Variants in AK8 observed in about 807,000 individuals in gnomAD.
AK8 encodes the protein adenylate kinase 8.
AK8 carries 44 observed loss-of-function variants against 54.6 expected under a neutral mutation model. The observed-to-expected ratio is 0.81, with a 90% CI of 0.63 to 1.04. The LOEUF is 1.04. Ranked by LOEUF, AK8 falls within the 50% of genes least tolerant of loss-of-function variation. AK8 has a pLI of 0.00. For missense variants in AK8, 555 were observed against 613.6 expected (o/e 0.90, Z 1.01); for synonymous variants, 239 against 245.6 (o/e 0.97, Z 0.25).
At chr9:132,827,534 C>G (rs576253402) in intron 7 of AK8, 13 of 211,920 alleles carry the variant, frequency 6.1e-5, no homozygotes, top group African/African-American at 2.1e-4. Context: ...CCGTCTCCCC[C>G]CACCCTCCCG....
chr9:132,794,373 C>G (rs1840065409), intron 10 of AK8, among the ~76,000 whole-genome samples: 1 of 152,162 alleles, frequency 6.6e-6, no homozygotes, highest in Non-Finnish European at 1.5e-5. Context: ...CAGCTTGCAC[C>G]TCCCTTCGAA....
rs1554801294 is a variant in AK8 at position 132,839,830 on chromosome 9, G to GC, written c.403-11105_403-11104insG. Among the ~76,000 whole-genome samples, 114 of 141,532 alleles carry GC rather than the reference G, an allele frequency of 8.1e-4. 5 individuals are homozygous for GC. Among genetic ancestry groups the GC allele is most frequent in the African/African-American group, 1.8e-3 (65 of 36,530 alleles). 92.9% of individuals were successfully genotyped at this position (141,532 alleles called of 152,430 possible). ...AAACATTTTTTTTGCCGGGGGGGGG[G>GC]GCGCAGGGACGGAGCCTTGCTCTGT... On this transcript the variant is annotated intron_variant, in intron 5 of 12. Transcript: ENST00000298545.
chr9:132,818,147 T>C (rs1027179740), intron 9 of AK8, among the ~76,000 whole-genome samples: 1 of 152,208 alleles, frequency 6.6e-6, no homozygotes, highest in Admixed American at 6.5e-5. Context: ...GATGAAATCA[T>C]ATCATTTTCA....
At chr9:132,868,928 C>A (rs1843700658) in intron 2 of AK8, among the ~76,000 whole-genome samples, 1 of 152,194 alleles carries the variant, frequency 6.6e-6, no homozygotes. Flanking sequence ...CCTGTAATCC[C>A]AGCACTTTGG....
At chr9:132,839,823 G>GGT (rs1554801259) in intron 5 of AK8, among the ~76,000 whole-genome samples, 1 of 147,302 alleles carries the variant, frequency 6.8e-6, no homozygotes, top group East Asian at 2.0e-4. Context: ...TTTTTGCCGG[G>GGT]GGGGGGGGCG....
intron 10 of AK8, among the ~76,000 whole-genome samples, chr9:132,804,567 G>T (rs1032687383): frequency 1.3e-5 from 2 of 152,064 alleles, no homozygotes; most frequent in African/African-American, 2.4e-5. Flanking sequence ...TCCCAGGGAG[G>T]GGGGTGGGAG....
intron 11 of AK8, among the ~76,000 whole-genome samples, chr9:132,734,562 C>A (rs1312190826): frequency 6.6e-6 from 1 of 152,034 alleles, no homozygotes; most frequent in East Asian, 1.9e-4. Context: ...ACAGTGAGAC[C>A]CCATCTCTAC....
chr9:132,862,103 G>C (rs1843411090), intron 4 of AK8, among the ~76,000 whole-genome samples: 1 of 152,178 alleles, frequency 6.6e-6, no homozygotes, highest in Admixed American at 6.5e-5. Flanking sequence ...TGCAGAAAAT[G>C]AGATAACCAC....
At chr9:132,820,879 G>GCTAC (rs528194006) in intron 9 of AK8, among the ~76,000 whole-genome samples, 147 of 152,290 alleles carry the variant, frequency 9.7e-4, no homozygotes, top group African/African-American at 3.2e-3. Context: ...AGATCTCAAG[G>GCTAC]CTACCTGCCT....
intron 2 of AK8, among the ~76,000 whole-genome samples, 176 bp downstream of exon 2, chr9:132,874,939 T>G (rs1844022170): frequency 6.6e-6 from 1 of 152,110 alleles, no homozygotes; most frequent in Non-Finnish European, 1.5e-5. Flanking sequence ...ATGAAACCCC[T>G]CCCTTCTGAC....
At chr9:132,818,609 G>C (rs1841437758) in intron 9 of AK8, among the ~76,000 whole-genome samples, 1 of 152,016 alleles carries the variant, frequency 6.6e-6, no homozygotes, top group Non-Finnish European at 1.5e-5. Context: ...AAAGAAAATG[G>C]ATTACTAAAA....
chr9:132,782,763 T>A (rs1157536738), intron 11 of AK8, among the ~76,000 whole-genome samples: 2 of 152,106 alleles, frequency 1.3e-5, no homozygotes, highest in East Asian at 3.8e-4. Context: ...TTAACTATGT[T>A]AGGAAGAACA....
intron 11 of AK8, among the ~76,000 whole-genome samples, chr9:132,736,568 T>C (rs372874815): frequency 2.3e-4 from 34 of 149,726 alleles, no homozygotes; most frequent in African/African-American, 8.3e-4. Flanking sequence ...GAGGCCGAGG[T>C]GGGCGGATCA....
chr9:132,875,746 C>T (rs1042641308), intron 1 of AK8, among the ~76,000 whole-genome samples: 3 of 152,244 alleles, frequency 2.0e-5, no homozygotes, highest in South Asian at 2.1e-4. Flanking sequence ...ACCATCCCCC[C>T]GGCAGGCCAT....
intron 5 of AK8, among the ~76,000 whole-genome samples, chr9:132,832,913 C>T (rs546201968): frequency 9.2e-5 from 14 of 152,288 alleles, no homozygotes; most frequent in Middle Eastern, 3.4e-3. Context: ...AGCCCTAGGC[C>T]ACCAGCTCTC....
intron 5 of AK8, among the ~76,000 whole-genome samples, chr9:132,849,490 CAT>C (rs1177869084): frequency 2.0e-5 from 3 of 152,164 alleles, no homozygotes; most frequent in Non-Finnish European, 4.4e-5. Context: ...TTTCAGAAAA[CAT>C]GTGTCCACCC....
intron 10 of AK8, among the ~76,000 whole-genome samples, chr9:132,804,503 G>A (rs1174991861): frequency 6.6e-6 from 1 of 152,032 alleles, no homozygotes; most frequent in Non-Finnish European, 1.5e-5. Flanking sequence ...GAGGGGTGAG[G>A]AGAAGGAGTT....
intron 5 of AK8, among the ~76,000 whole-genome samples, chr9:132,839,610 C>T (rs543845191): frequency 6.6e-6 from 1 of 152,244 alleles, no homozygotes; most frequent in Non-Finnish European, 1.5e-5. Context: ...GAGGATGCAG[C>T]AGGCCTAGCT....
At chr9:132,794,535 C>T (rs1840072798) in intron 10 of AK8, among the ~76,000 whole-genome samples, 1 of 152,200 alleles carries the variant, frequency 6.6e-6, no homozygotes, top group African/African-American at 2.4e-5. Flanking sequence ...CCCTCACTTG[C>T]CACCCTTGTT....
Sources: allele counts gnomAD v4.1 joint callset (sites outside exome capture counted in the v4.1 genomes callset), GRCh38; gene constraint gnomAD v4.1.1; transcripts MANE v1.5; gene names NCBI Gene and HGNC (gene_info 2026-07-23, HGNC 2026-07-21).